Variants in PCDHA6 observed in about 807,000 individuals in gnomAD.
The protein encoded by PCDHA6 is protocadherin alpha 6, also known as protocadherin alpha-6.
Under a neutral mutation model 60.3 loss-of-function variants are expected in PCDHA6, and 55 were observed. That is an observed-to-expected ratio of 0.91 (90% CI 0.73 to 1.14). The LOEUF is 1.14. Among genes scored for constraint, PCDHA6 ranks in the 50% most tolerant of loss-of-function variants. The probability of loss-of-function intolerance (pLI) is 0.00; values close to 1 mark genes in which losing one functional copy is unlikely to be tolerated. For missense variants in PCDHA6, 1,327 were observed against 1,256.5 expected, an observed-to-expected ratio of 1.06 and a Z score of -0.85; for synonymous variants, 652 against 557.9, an observed-to-expected ratio of 1.17 and a Z score of -2.38.
Position 140,829,138 on chromosome 5 carries a change from G to A in PCDHA6, c.1047G>A (p.Glu349=). The change falls in exon 1 of 4, where the codon GAG becomes GAA. Residue 349 remains glutamate (E), a synonymous_variant. Coordinates refer to ENST00000529310, the MANE Select transcript of PCDHA6 (RefSeq NM_018909.4). Reference sequence around the variant, plus strand: ...TGGATAAAAATGATAACGTCCCTGAGATAGCACTGACTTCCTTATCCTTGC... The same window carrying A: ...TGGATAAAAATGATAACGTCCCTGAAATAGCACTGACTTCCTTATCCTTGC... ...RILDKNDNVP[E]IALTSLSLPV... is the part of the protein sequence containing the mutation. 6.2e-7 allele frequency: 1 copy of A among 1,613,472 alleles called. No homozygotes were observed. Among genetic ancestry groups the A allele is most frequent in the Non-Finnish European group, 8.5e-7 (1 of 1,179,388 alleles).
intron 1 of PCDHA6, chr5:140,966,888 C>T: frequency 1.9e-6 from 3 of 1,593,128 alleles, no homozygotes; most frequent in Non-Finnish European, 2.6e-6. Flanking sequence ...GGCCCTGCGG[C>T]CTCCCAGCTG....
chr5:140,877,721 A>C, intron 1 of PCDHA6: 3 of 1,614,000 alleles, frequency 1.9e-6, no homozygotes, highest in Non-Finnish European at 2.5e-6. Context: ...AGTTGGTCTT[A>C]CTCGCAGCAG....
chr5:141,003,685 A>G (rs782131958), intron 3 of PCDHA6, among the ~76,000 whole-genome samples: 12 of 152,198 alleles, frequency 7.9e-5, no homozygotes, highest in Non-Finnish European at 1.2e-4. Flanking sequence ...TCTGATTTTA[A>G]AATATATCCC....
At position 140,829,601 on chromosome 5, in the gene PCDHA6, T is replaced by C. The variant is rs2150171012; in HGVS notation, c.1510T>C (p.Leu504=). The change falls in exon 1 of 4, where the codon TTG becomes CTG. Residue 504 remains leucine (L), a synonymous_variant. Transcript: ENST00000529310. ...GGAGCGGCGGGTGGGCGAGCGCGCG[T>C]TGTCGAGCTACATTTCGGTGCACGC... The part of the protein sequence containing the change: ...LVERRVGERA[L]SSYISVHAES... 20 of 1,611,826 alleles carry C rather than the reference T, an allele frequency of 1.2e-5. No individual in the cohort carries two copies. Among genetic ancestry groups the C allele is most frequent in the Admixed American group, 6.7e-5 (4 of 60,002 alleles).
rs2150181875 is a variant in PCDHA6, at chr5:140,830,146, C to G, written c.2055C>G (p.Gly685=). ...APKASSRASV[G]AAGPEAALVD... ...AGGCGTCATCACGGGCGTCGGTGGGCGCCGCGGGCCCAGAGGCGGCGCTGG... is the reference window on the plus strand; with the variant it reads ...AGGCGTCATCACGGGCGTCGGTGGGGGCCGCGGGCCCAGAGGCGGCGCTGG... Residue 685 remains glycine, a synonymous_variant, in exon 1 of 4, where the codon GGC becomes GGG. Coordinates refer to ENST00000529310, the MANE Select transcript of PCDHA6 (RefSeq NM_018909.4). 1 of 1,613,128 alleles carries G rather than the reference C, an allele frequency of 6.2e-7. No homozygotes were observed. Among genetic ancestry groups the G allele is most frequent in the Non-Finnish European group, 8.5e-7 (1 of 1,179,874 alleles).
intron 1 of PCDHA6, chr5:140,863,519 A>G (rs1309854310): frequency 7.5e-6 from 3 of 400,164 alleles, no homozygotes; most frequent in Non-Finnish European, 1.5e-5. Context: ...GTGTTCTCCC[A>G]TGGTTCAGAT....
At chr5:140,857,857 C>A (rs1415276512) in intron 1 of PCDHA6, 1 of 1,597,670 alleles carries the variant, frequency 6.3e-7, no homozygotes, top group Non-Finnish European at 8.6e-7. Flanking sequence ...CTGGATACAA[C>A]GCGTGGCTGT....
At chr5:141,006,528 T>A (rs1161709459) in intron 3 of PCDHA6, among the ~76,000 whole-genome samples, 1 of 152,092 alleles carries the variant, frequency 6.6e-6, no homozygotes, top group African/African-American at 2.4e-5. Context: ...ACATCAGTTT[T>A]TAAAGAGAGA....
chr5:140,870,852 G>C (rs782301779), intron 1 of PCDHA6: 3 of 1,613,862 alleles, frequency 1.9e-6, no homozygotes, highest in Non-Finnish European at 2.5e-6. Flanking sequence ...TACCGCGGTC[G>C]GTGGGTGCGG....
chr5:141,005,731 A>AAAAAAG (rs2098235322), intron 3 of PCDHA6, among the ~76,000 whole-genome samples: 2 of 149,106 alleles, frequency 1.3e-5, no homozygotes, highest in East Asian at 1.9e-4. Flanking sequence ...AAAAAAAAAA[A>AAAAAAG]GAATGGATGA....
At position 140,929,035 on chromosome 5, in the gene PCDHA6, G is replaced by T. The variant is rs6877058; in HGVS notation, c.2395-49914G>T. 2.5e-3 allele frequency: 4,027 copies of T among 1,614,128 alleles called. 64 individuals are homozygous for T. In the African/African-American group the frequency reaches 0.039, roughly 15 times the overall value. On this transcript the variant is annotated intron_variant, in intron 1 of 3. Coordinates refer to ENST00000529310, the MANE Select transcript of PCDHA6 (RefSeq NM_018909.4). The stretch of plus-strand genomic sequence containing the variant: ...GTTGCACCAGAGCCCAGGCTGTTGC[G>T]CTCAGAGCTGCTGTCGCTCTACAGA...
intron 1 of PCDHA6, chr5:140,850,572 C>T: frequency 6.3e-7 from 1 of 1,598,416 alleles, no homozygotes; most frequent in South Asian, 1.1e-5. Flanking sequence ...CGAGGTGACG[C>T]TGGTGGATGT....
chr5:140,867,187 G>C (rs1219646479), intron 1 of PCDHA6: 1 of 152,072 alleles, frequency 6.6e-6, no homozygotes, highest in Non-Finnish European at 1.5e-5. Context: ...TACCTCGCAA[G>C]ACTCCACATT....
intron 1 of PCDHA6, among the ~76,000 whole-genome samples, chr5:140,921,929 A>G (rs2080500807): frequency 6.6e-6 from 1 of 152,244 alleles, no homozygotes; most frequent in East Asian, 1.9e-4. Flanking sequence ...CTTATAGTCA[A>G]TATAATTTTA....
At chr5:140,838,830 G>A (rs562018210) in intron 1 of PCDHA6, among the ~76,000 whole-genome samples, 1 of 151,882 alleles carries the variant, frequency 6.6e-6, no homozygotes, top group African/African-American at 2.4e-5. Context: ...ACTGAGGTGG[G>A]AGGATCACTT....
At chr5:140,847,783 T>G (rs1360011396) in intron 1 of PCDHA6, 1 of 149,840 alleles carries the variant, frequency 6.7e-6, no homozygotes, top group Non-Finnish European at 1.5e-5. Flanking sequence ...TCGCTTTTCT[T>G]GCAATATTTT....
At chr5:140,952,471 A>G (rs1324501616) in intron 1 of PCDHA6, among the ~76,000 whole-genome samples, 2 of 152,204 alleles carry the variant, frequency 1.3e-5, no homozygotes, top group African/African-American at 2.4e-5. Context: ...AAGCATAAGG[A>G]AAGTGACATT....
intron 1 of PCDHA6, among the ~76,000 whole-genome samples, chr5:140,914,284 G>T (rs781914384): frequency 9.9e-5 from 15 of 152,022 alleles, no homozygotes; most frequent in Non-Finnish European, 2.1e-4. Flanking sequence ...ATTTATAATT[G>T]TTATATCCTC....
rs2150467909 is a variant in PCDHA6, at chr5:140,850,110, G to A, written c.2394+19625G>A. The A allele has an allele frequency of 3.1e-6, 5 of 1,596,146 alleles. No individual in the cohort carries two copies. The East Asian group carries it at 8.9e-5, about 28-fold the overall frequency. Reference sequence around the variant, plus strand: ...GCTACAGTTCCAGGTGAGCGCGCGCGACGCGGGCGTGCCGCCTCTGGGCAG... The same window carrying A: ...GCTACAGTTCCAGGTGAGCGCGCGCAACGCGGGCGTGCCGCCTCTGGGCAG... On this transcript the variant is annotated intron_variant, in intron 1 of 3. Coordinates refer to ENST00000529310, the MANE Select transcript of PCDHA6 (RefSeq NM_018909.4).
Sources: gnomAD v4.1 joint callset for allele counts (sites outside exome capture counted in the v4.1 genomes callset) on GRCh38, gnomAD v4.1.1 for gene constraint, MANE v1.5 for transcripts, NCBI Gene and HGNC (gene_info 2026-07-23, HGNC 2026-07-21) for gene names.